USP53: variants seen among roughly 807,000 people sequenced by gnomAD.
USP53 encodes the protein ubiquitin carboxyl-terminal hydrolase 53.
A neutral mutation model predicts 94.9 loss-of-function variants in USP53; 71 were observed. The ratio of observed to expected loss-of-function variants is 0.75; its 90% CI spans 0.62 to 0.91. The LOEUF is 0.91. Ranked by LOEUF, USP53 falls within the 40% of genes least tolerant of loss-of-function variation. The pLI, the probability that USP53 is intolerant of heterozygous loss-of-function variation, is 0.00. For synonymous variants in USP53, 375 were observed against 422.7 expected, an observed-to-expected ratio of 0.89 and a Z score of 1.39; for missense variants, 1,173 against 1,281.0, an observed-to-expected ratio of 0.92 and a Z score of 1.29.
chr4:119,269,626 T>G (rs1751601083), intron 14 of USP53, 65 bp from the exon 15 acceptor site: 1 of 1,143,912 alleles, frequency 8.7e-7, no homozygotes, highest in African/African-American at 1.6e-5. Flanking sequence ...TATAGATCAA[T>G]TTTTATTTTT....
chr4:119,267,386 T>C lies in USP53; in HGVS notation c.1039T>C (p.Phe347Leu), dbSNP rs1330571178. The C allele has an allele frequency of 6.2e-7, 1 of 1,614,140 alleles. No homozygotes were observed. Among genetic ancestry groups the C allele is most frequent in the South Asian group, 1.1e-5 (1 of 91,076 alleles). ...ATGCCACTTTCAGCCACTACTTTTG[T>C]TTTATGCAAACCCAGATGGCACAGC... ...IRCHFQPLLL[F>L]YANPDGTAVS... Residue 347 changes from phenylalanine (F) to leucine (L), a missense_variant, in exon 13 of 19, where the codon TTT becomes CTT. Transcript: ENST00000692078.
chr4:119,240,359 G>A (rs368305423), intron 5 of USP53, among the ~76,000 whole-genome samples: 1 of 152,042 alleles, frequency 6.6e-6, no homozygotes, highest in African/African-American at 2.4e-5. Context: ...TTACCTCTGC[G>A]GAATCATCAT....
intron 5 of USP53, among the ~76,000 whole-genome samples, chr4:119,244,162 C>T (rs1025876901): frequency 4.6e-5 from 7 of 152,098 alleles, no homozygotes; most frequent in Non-Finnish European, 7.4e-5. Flanking sequence ...AAATGGATTT[C>T]CGTGTATTTT....
At chr4:119,269,902 A>G (rs1751634360) in intron 15 of USP53, 65 bp downstream of exon 15, 1 of 1,100,834 alleles carries the variant, frequency 9.1e-7, no homozygotes, top group Non-Finnish European at 1.2e-6. Flanking sequence ...TTAAAACTGA[A>G]TTTTATAACT....
At chr4:119,281,267 A>G (rs1753484378) in intron 17 of USP53, among the ~76,000 whole-genome samples, 1 of 152,200 alleles carries the variant, frequency 6.6e-6, no homozygotes, top group Non-Finnish European at 1.5e-5. Flanking sequence ...CAAAGGGATT[A>G]TTATGTTGCA....
chr4:119,270,616 C>G (rs1464176488), intron 15 of USP53, among the ~76,000 whole-genome samples: 3 of 152,170 alleles, frequency 2.0e-5, no homozygotes, highest in African/African-American at 7.2e-5. Context: ...CCCTGACCTT[C>G]CCCCTCTTTA....
intron 2 of USP53, among the ~76,000 whole-genome samples, chr4:119,216,284 G>A (rs1743739089): frequency 6.6e-6 from 1 of 151,976 alleles, no homozygotes; most frequent in Non-Finnish European, 1.5e-5. Context: ...AGGAGGCTGA[G>A]GCAGGAGAAT....
intron 7 of USP53, among the ~76,000 whole-genome samples, chr4:119,253,813 T>C (rs1168605644): frequency 6.6e-6 from 1 of 152,204 alleles, no homozygotes; most frequent in Non-Finnish European, 1.5e-5. Context: ...CTTCATAGCG[T>C]CAATGGTCTT....
chr4:119,271,342 TG>T lies in USP53; in HGVS notation c.1483del (p.Ala495ProfsTer37). 6.3e-7 allele frequency: 1 copy of T among 1,595,358 alleles called. No individual in the cohort carries two copies. The highest frequency in any genetic ancestry group is 8.5e-7 in the Non-Finnish European group (1 of 1,174,376). On this transcript the variant is annotated frameshift_variant, in exon 16 of 19. Transcript: ENST00000692078. LOFTEE classifies it high-confidence loss of function. ...CACATTTCCAATCTGGATCACCTCC[TG>T]CCCCAAATGGTTTTAAACAACATGG... is the stretch of plus-strand genomic sequence containing the variant. ...LSHFQSGSPP[A>X]PNGFKQHGNP... is the part of the protein sequence containing the mutation.
At chr4:119,283,737 G>A (rs751999902) in intron 17 of USP53, among the ~76,000 whole-genome samples, 14 of 151,874 alleles carry the variant, frequency 9.2e-5, no homozygotes, top group Non-Finnish European at 1.8e-4. Flanking sequence ...TAGGAAGAAG[G>A]AACAGATTTT....
chr4:119,284,497 G>T (rs1317362931), intron 17 of USP53, among the ~76,000 whole-genome samples: 4 of 151,768 alleles, frequency 2.6e-5, no homozygotes, highest in African/African-American at 7.3e-5. Flanking sequence ...ATGCCATTTG[G>T]AATGTTTTAG....
rs1561367842 is a variant in USP53, at chr4:119,292,833, TAC to T, written c.2846_2847del (p.Thr949ArgfsTer4). On this transcript the variant is annotated frameshift_variant, in exon 19 of 19. Coordinates refer to ENST00000692078, the MANE Select transcript of USP53 (RefSeq NM_001371395.1). LOFTEE classifies it low-confidence loss of function (END_TRUNC). Reference sequence around the variant, plus strand: ...GCGAATCTACACCTGATGTCAAACTTACAGAGGTGTTTAAAGCTACCTCTCAT... The same window carrying T: ...GCGAATCTACACCTGATGTCAAACTTAGAGGTGTTTAAAGCTACCTCTCAT... ...KSESTPDVKL[T>X]EVFKATSHLP... 6.2e-7 allele frequency: 1 copy of T among 1,614,094 alleles called. No individual in the cohort carries two copies. Among genetic ancestry groups the T allele is most frequent in the African/African-American group, 1.3e-5 (1 of 75,042 alleles).
chr4:119,259,489 T>G (rs187046478), intron 9 of USP53, among the ~76,000 whole-genome samples: 1 of 152,270 alleles, frequency 6.6e-6, no homozygotes, highest in Admixed American at 6.5e-5. Flanking sequence ...GGTTTAAACT[T>G]AAGTTTCTAC....
rs1433512619 is a variant in USP53, at chr4:119,292,623, T to C, written c.2634T>C (p.Pro878=). The C allele has an allele frequency of 3.1e-6, 5 of 1,614,122 alleles. No individual in the cohort carries two copies. Among genetic ancestry groups the C allele is most frequent in the South Asian group, 1.1e-5 (1 of 91,080 alleles). ...RTVGLKPETA[P]LIQQQNIMDQ... ...TTGGGTTAAAGCCAGAAACTGCTCC[T>C]CTCATCCAGCAACAAAATATCATGG... is the stretch of plus-strand genomic sequence containing the variant. The change falls in exon 19 of 19, where the codon CCT becomes CCC. Residue 878 remains proline, a synonymous_variant. Transcript: ENST00000692078.
At chr4:119,260,396 A>AT in intron 10 of USP53, 111 bp from the exon 11 acceptor site, 1 of 840,430 alleles carries the variant, frequency 1.2e-6, no homozygotes, top group South Asian at 3.6e-5. Context: ...TTTTTAGTAT[A>AT]CTGAATAAAT....
At chr4:119,270,010 A>G (rs1214048281) in intron 15 of USP53, among the ~76,000 whole-genome samples, 173 bp downstream of exon 15, 1 of 147,354 alleles carries the variant, frequency 6.8e-6, no homozygotes, top group Non-Finnish European at 1.5e-5. Context: ...TATAAATTAC[A>G]TATATTTCTG....
chr4:119,247,318 C>T (rs569282070), intron 6 of USP53, among the ~76,000 whole-genome samples: 2 of 152,128 alleles, frequency 1.3e-5, no homozygotes, highest in East Asian at 3.8e-4. Flanking sequence ...AGCTGATCCC[C>T]ACCTCAAAGT....
chr4:119,243,786 C>T (rs1426057833), intron 5 of USP53, among the ~76,000 whole-genome samples: 1 of 152,052 alleles, frequency 6.6e-6, no homozygotes, highest in Non-Finnish European at 1.5e-5. Flanking sequence ...AAACTTTTAC[C>T]TAATGCAAAA....
chr4:119,271,766 A>G lies in USP53; in HGVS notation c.1906A>G (p.Lys636Glu). 1.9e-6 allele frequency: 3 copies of G among 1,613,920 alleles called. No individual in the cohort carries two copies. Among genetic ancestry groups the G allele is most frequent in the South Asian group, 2.2e-5 (2 of 90,980 alleles). ...TTGGCCAAAAGAGAATCCAAAGCAA[A>G]AAGGTTTAATGACCATATATGAAGA... ...SNWPKENPKQ[K>E]GLMTIYEDEM... is the part of the protein sequence containing the mutation. The change falls in exon 16 of 19, where the codon AAA becomes GAA. Residue 636 changes from lysine to glutamate, a missense_variant. Transcript: ENST00000692078.
Sources: gnomAD v4.1 joint callset for allele counts (sites outside exome capture counted in the v4.1 genomes callset) on GRCh38, gnomAD v4.1.1 for gene constraint, MANE v1.5 for transcripts, NCBI Gene and HGNC (gene_info 2026-07-23, HGNC 2026-07-21) for gene names.